Variants in PRUNE2 observed in about 807,000 individuals in gnomAD.
PRUNE2 encodes the protein prune homolog 2 with BCH domain.
Under a neutral mutation model 252.0 loss-of-function variants are expected in PRUNE2, and 164 were observed. The observed-to-expected ratio is 0.65, with a 90% CI of 0.57 to 0.74. PRUNE2 has a LOEUF of 0.74. Among genes scored for constraint, PRUNE2 ranks in the 30% least tolerant of loss-of-function variants. The probability of loss-of-function intolerance (pLI) is 0.00; values close to 1 mark genes in which losing one functional copy is unlikely to be tolerated. For missense variants in PRUNE2, 3,495 were observed against 3,711.0 expected (o/e 0.94, Z 1.51); for synonymous variants, 1,292 against 1,350.2 (o/e 0.96, Z 0.94).
intron 17 of PRUNE2, among the ~76,000 whole-genome samples, chr9:76,620,598 T>C (rs1831859322): frequency 6.6e-6 from 1 of 152,190 alleles, no homozygotes; most frequent in Admixed American, 6.5e-5. Context: ...AGGTGTTTTG[T>C]TGAAAATGAC....
chr9:76,733,994 T>TGATTATCAAA (rs1188421592), intron 6 of PRUNE2, among the ~76,000 whole-genome samples: 2 of 152,152 alleles, frequency 1.3e-5, no homozygotes, highest in Non-Finnish European at 2.9e-5. Context: ...AAAACTAGTT[T>TGATTATCAAA]GATTATCAAA....
At chr9:76,626,903 A>G (rs1186724318) in intron 16 of PRUNE2, among the ~76,000 whole-genome samples, 1 of 152,184 alleles carries the variant, frequency 6.6e-6, no homozygotes, top group Admixed American at 6.5e-5. Flanking sequence ...TTGAAGTCTC[A>G]GAGACATTGA....
intron 6 of PRUNE2, among the ~76,000 whole-genome samples, chr9:76,728,998 T>C (rs956227285): frequency 2.6e-5 from 4 of 152,210 alleles, no homozygotes; most frequent in African/African-American, 9.7e-5. Flanking sequence ...GAATAATCCA[T>C]TTTCAGGGAC....
chr9:76,856,548 C>T (rs1283419351), intron 1 of PRUNE2: 1 of 152,198 alleles, frequency 6.6e-6, no homozygotes, highest in Admixed American at 6.5e-5. Flanking sequence ...AACCCCAAAG[C>T]ATGCTACACG....
chr9:76,699,090 C>A (rs1410435883), intron 9 of PRUNE2, among the ~76,000 whole-genome samples: 1 of 140,018 alleles, frequency 7.1e-6, no homozygotes, highest in Non-Finnish European at 1.5e-5. Context: ...CCAAAAGATT[C>A]ATCAGTTGAA....
At chr9:76,670,175 C>A (rs2041049802) in intron 9 of PRUNE2, among the ~76,000 whole-genome samples, 1 of 152,140 alleles carries the variant, frequency 6.6e-6, no homozygotes, top group Non-Finnish European at 1.5e-5. Flanking sequence ...AGACAGTGGG[C>A]ACAGGTCAGT....
At chr9:76,797,457 T>A (rs2056197194) in intron 6 of PRUNE2, among the ~76,000 whole-genome samples, 1 of 152,170 alleles carries the variant, frequency 6.6e-6, no homozygotes, top group Admixed American at 6.5e-5. Context: ...TATAATTATA[T>A]GCTTATTTAT....
At chr9:76,629,109 C>T (rs1836266994) in intron 16 of PRUNE2, 83 bp downstream of exon 16, 10 of 786,168 alleles carry the variant, frequency 1.3e-5, no homozygotes, top group South Asian at 1.2e-4. Flanking sequence ...TCCCAAAGTG[C>T]TAGGATTACA....
chr9:76,644,643 G>T, intron 12 of PRUNE2, 96 bp downstream of exon 12: 2 of 1,130,592 alleles, frequency 1.8e-6, no homozygotes, highest in Non-Finnish European at 2.7e-6. Context: ...GGGTCTTTGA[G>T]ATGTCATGTT....
In PRUNE2 at chr9:76,708,926, GT is replaced by G; in HGVS notation, c.3347del (p.Asn1116ThrfsTer3). 6.2e-7 allele frequency: 1 copy of G among 1,614,030 alleles called. No individual in the cohort carries two copies. The highest frequency in any genetic ancestry group is 8.5e-7 in the Non-Finnish European group (1 of 1,179,894). On this transcript the variant is annotated frameshift_variant, in exon 8 of 19. Transcript: ENST00000376718. LOFTEE classifies it high-confidence loss of function. ...QTAPDSLDLWNRVILEDTQST... is the reference protein window; with the variant it reads ...QTAPDSLDLWXRVILEDTQST... ...ACTGAGTATCCTCCAAAATCACTCTGTTCCACAAGTCGAGACTGTCAGGGGC... is the reference window on the plus strand; with the variant it reads ...ACTGAGTATCCTCCAAAATCACTCTGTCCACAAGTCGAGACTGTCAGGGGC...
At chr9:76,633,561 C>T (rs1351108047) in intron 15 of PRUNE2, among the ~76,000 whole-genome samples, 1 of 135,004 alleles carries the variant, frequency 7.4e-6, no homozygotes, top group South Asian at 2.4e-4. Context: ...CAGCCTGGGG[C>T]AACAGAGTGA....
Position 76,860,008 on chromosome 9 carries a change from A to T in PRUNE2, c.37-5800T>A, listed in dbSNP as rs776983349. Among the ~76,000 whole-genome samples, 27 of 152,270 alleles carry T rather than the reference A, an allele frequency of 1.8e-4. 1 individual carries two copies. The highest frequency in any genetic ancestry group is 2.8e-4 in the Non-Finnish European group (19 of 68,014). On this transcript the variant is annotated intron_variant, in intron 1 of 18. Transcript: ENST00000376718. ...GAGCCACCACGCCCGGCCTGAAGCC[A>T]GGGTTTTTCAGGGTACTTTAGTGGG... is the stretch of plus-strand genomic sequence containing the variant.
At chr9:76,903,637 G>T (rs531957604) in intron 1 of PRUNE2, among the ~76,000 whole-genome samples, 6 of 151,838 alleles carry the variant, frequency 4.0e-5, no homozygotes, top group Non-Finnish European at 8.8e-5. Context: ...GCCCAGGCTG[G>T]AGTGCAGTGG....
chr9:76,766,790 T>C (rs187783427), intron 6 of PRUNE2, among the ~76,000 whole-genome samples: 335 of 152,304 alleles, frequency 2.2e-3, no homozygotes, highest in African/African-American at 7.7e-3. Context: ...TCTTATCACA[T>C]AGGGAGTCCA....
At chr9:76,720,233 G>A (rs766337560) in intron 6 of PRUNE2, among the ~76,000 whole-genome samples, 22 of 152,192 alleles carry the variant, frequency 1.4e-4, no homozygotes, top group Admixed American at 2.6e-4. Context: ...ATTTCTAGAC[G>A]TATTCAAATA....
At chr9:76,800,619 T>G (rs1386302659) in intron 6 of PRUNE2, among the ~76,000 whole-genome samples, 1 of 152,192 alleles carries the variant, frequency 6.6e-6, no homozygotes, top group Non-Finnish European at 1.5e-5. Flanking sequence ...CTCTGTGAGG[T>G]TAAATAACTT....
chr9:76,903,849 A>C (rs972938249), intron 1 of PRUNE2, among the ~76,000 whole-genome samples: 1 of 152,158 alleles, frequency 6.6e-6, no homozygotes, highest in Non-Finnish European at 1.5e-5. Context: ...CAGCCTCCCA[A>C]AGTGCTGGGA....
intron 1 of PRUNE2, among the ~76,000 whole-genome samples, chr9:76,887,061 G>A (rs1030929327): frequency 1.3e-5 from 2 of 152,126 alleles, no homozygotes; most frequent in African/African-American, 4.8e-5. Context: ...TCTTTTGTTA[G>A]TCCCAATTTA....
chr9:76,763,817 G>T (rs114779025), intron 6 of PRUNE2, among the ~76,000 whole-genome samples: 3,515 of 147,896 alleles, frequency 0.024, 60 homozygotes, highest in Middle Eastern at 0.028. Flanking sequence ...TGGGGAAGAG[G>T]GAGCTTTCTT....
Sources: gnomAD v4.1 joint callset for allele counts (sites outside exome capture counted in the v4.1 genomes callset) on GRCh38, gnomAD v4.1.1 for gene constraint, MANE v1.5 for transcripts, NCBI Gene and HGNC (gene_info 2026-07-23, HGNC 2026-07-21) for gene names.